IRF2: variants seen among roughly 807,000 people sequenced by gnomAD.
The protein encoded by IRF2 is interferon regulatory factor 2.
IRF2 carries 15 observed loss-of-function variants against 40.6 expected under a neutral mutation model. That is an observed-to-expected ratio of 0.37 (90% CI 0.25 to 0.57). IRF2 has a LOEUF of 0.57. Ranked by LOEUF, IRF2 falls within the 20% of genes least tolerant of loss-of-function variation. The pLI, the probability that IRF2 is intolerant of heterozygous loss-of-function variation, is 0.77. For missense variants in IRF2, 317 were observed against 455.7 expected, an observed-to-expected ratio of 0.70 and a Z score of 2.77; for synonymous variants, 151 against 165.5, an observed-to-expected ratio of 0.91 and a Z score of 0.67.
intron 6 of IRF2, among the ~76,000 whole-genome samples, chr4:184,405,179 G>A (rs1225820450): frequency 6.6e-6 from 1 of 152,204 alleles, no homozygotes; most frequent in African/African-American, 2.4e-5. Context: ...AGGAGGCGGA[G>A]GTTGCAGTGA....
At chr4:184,470,012 C>T (rs1739459837) in intron 1 of IRF2, among the ~76,000 whole-genome samples, 1 of 152,132 alleles carries the variant, frequency 6.6e-6, no homozygotes, top group African/African-American at 2.4e-5. Flanking sequence ...ACTTCCTCAC[C>T]CACTTTTCCA....
At chr4:184,411,637 G>C (rs1737077858) in intron 5 of IRF2, among the ~76,000 whole-genome samples, 1 of 152,070 alleles carries the variant, frequency 6.6e-6, no homozygotes, top group East Asian at 1.9e-4. Context: ...AGGAGAGAAG[G>C]ATCTTCACTA....
intron 6 of IRF2, chr4:184,407,144 G>A: frequency 7.9e-7 from 1 of 1,268,698 alleles, no homozygotes; most frequent in Non-Finnish European, 1.0e-6. Context: ...ACACTGCCCG[G>A]GAGATGGTTT....
At chr4:184,407,453 G>A (rs2149896175) in intron 6 of IRF2, among the ~76,000 whole-genome samples, 1 of 152,358 alleles carries the variant, frequency 6.6e-6, no homozygotes, top group South Asian at 2.1e-4. Context: ...AGGGGGTGCA[G>A]CTAGCTACAT....
intron 1 of IRF2, among the ~76,000 whole-genome samples, chr4:184,436,671 C>T (rs1579085809): frequency 6.6e-6 from 1 of 152,112 alleles, no homozygotes; most frequent in South Asian, 2.1e-4. Context: ...GAGAAGGTGG[C>T]AGGCAAGCCA....
At chr4:184,392,765 T>C (rs548426406) in intron 7 of IRF2, among the ~76,000 whole-genome samples, 4 of 152,200 alleles carry the variant, frequency 2.6e-5, no homozygotes, top group Admixed American at 6.5e-5. Flanking sequence ...TGGACTCCAC[T>C]GGTCCCAGCC....
chr4:184,397,452 A>G (rs1489919883), intron 7 of IRF2, among the ~76,000 whole-genome samples: 1 of 152,170 alleles, frequency 6.6e-6, no homozygotes, highest in Non-Finnish European at 1.5e-5. Context: ...AATGCACTGA[A>G]TGCTACTAAA....
chr4:184,434,381 C>G (rs1257508631), intron 1 of IRF2, among the ~76,000 whole-genome samples: 1 of 152,136 alleles, frequency 6.6e-6, no homozygotes, highest in Non-Finnish European at 1.5e-5. Context: ...CTGGGGTTAT[C>G]CATGATACGA....
chr4:184,405,229 G>A (rs925960244), intron 6 of IRF2, among the ~76,000 whole-genome samples: 1 of 152,190 alleles, frequency 6.6e-6, no homozygotes, highest in African/African-American at 2.4e-5. Flanking sequence ...GGGCAACAGA[G>A]TGAAACTCGG....
At chr4:184,436,532 T>C (rs1325940385) in intron 1 of IRF2, among the ~76,000 whole-genome samples, 1 of 152,204 alleles carries the variant, frequency 6.6e-6, no homozygotes, top group Admixed American at 6.5e-5. Flanking sequence ...AATTGCCAAC[T>C]AAGTTAGGTA....
At chr4:184,420,450 A>G (rs1479177161) in intron 2 of IRF2, among the ~76,000 whole-genome samples, 1 of 152,212 alleles carries the variant, frequency 6.6e-6, no homozygotes, top group Non-Finnish European at 1.5e-5. Flanking sequence ...TGCAAGAAAT[A>G]GCAAGAAGTG....
intron 1 of IRF2, among the ~76,000 whole-genome samples, chr4:184,473,570 A>AGCGGCG (rs544775223): frequency 3.4e-5 from 5 of 147,156 alleles, no homozygotes; most frequent in African/African-American, 9.8e-5. Context: ...GTCCCTTCTG[A>AGCGGCG]GCGGCGGCGG....
At chr4:184,472,934 C>T (rs1176804042) in intron 1 of IRF2, among the ~76,000 whole-genome samples, 2 of 152,196 alleles carry the variant, frequency 1.3e-5, no homozygotes, top group South Asian at 2.1e-4. Context: ...GGGTGGCAAA[C>T]GCACCCAGAC....
chr4:184,440,136 C>T lies in IRF2; in HGVS notation c.-6-11066G>A, dbSNP rs189920360. On this transcript the variant is annotated intron_variant, in intron 1 of 8. Coordinates refer to ENST00000393593, the MANE Select transcript of IRF2 (RefSeq NM_002199.4). Reference sequence around the variant, plus strand: ...CTCTGCTGACATTTTCTTGACTTTCCCTGGCTCAGTAGCCACTTCCCTGGC... The same window carrying T: ...CTCTGCTGACATTTTCTTGACTTTCTCTGGCTCAGTAGCCACTTCCCTGGC... Among the ~76,000 whole-genome samples the T allele has an allele frequency of 3.3e-5, 5 of 152,342 alleles. No individual in the cohort carries two copies. In the East Asian group the frequency reaches 7.7e-4, roughly 23 times the overall value.
At chr4:184,406,453 C>T (rs1323463605) in intron 6 of IRF2, among the ~76,000 whole-genome samples, 7 of 152,144 alleles carry the variant, frequency 4.6e-5, no homozygotes, top group African/African-American at 1.7e-4. Context: ...TGGTCTTGAT[C>T]TGCTGAGCTC....
At position 184,409,259 on chromosome 4, in the gene IRF2, G is replaced by A. The variant is rs73874634; in HGVS notation, c.412-984C>T. Among the ~76,000 whole-genome samples, 406 of 152,200 alleles carry A rather than the reference G, an allele frequency of 2.7e-3. 1 individual carries two copies. Among genetic ancestry groups the A allele is most frequent in the African/African-American group, 8.9e-3 (368 of 41,518 alleles). The stretch of plus-strand genomic sequence containing the variant: ...GTGCTTGGAAAAGTCAACAGTGGTC[G>A]GCTCTGAAACATGGTGGGTGTTCTC... On this transcript the variant is annotated intron_variant, in intron 5 of 8. Transcript: ENST00000393593.
intron 1 of IRF2, among the ~76,000 whole-genome samples, chr4:184,438,960 G>C (rs1738191618): frequency 1.3e-5 from 2 of 152,182 alleles, no homozygotes. Context: ...GCTGAAGTCA[G>C]CCATTGCCAG....
chr4:184,461,418 G>A (rs1739140198), intron 1 of IRF2, among the ~76,000 whole-genome samples: 1 of 152,136 alleles, frequency 6.6e-6, no homozygotes, highest in African/African-American at 2.4e-5. Context: ...AACTATAAAA[G>A]GGATTCACAG....
At chr4:184,434,660 TG>T (rs1343746685) in intron 1 of IRF2, among the ~76,000 whole-genome samples, 1 of 152,168 alleles carries the variant, frequency 6.6e-6, no homozygotes, top group Non-Finnish European at 1.5e-5. Context: ...CAGCCCATGG[TG>T]GGTACTGAGA....
Sources: allele counts gnomAD v4.1 joint callset (sites outside exome capture counted in the v4.1 genomes callset), GRCh38; gene constraint gnomAD v4.1.1; transcripts MANE v1.5; gene names NCBI Gene and HGNC (gene_info 2026-07-23, HGNC 2026-07-21).